The following PKIB variants were observed in gnomAD, a reference collection of about 807,000 sequenced individuals.
PKIB encodes cAMP-dependent protein kinase inhibitor beta.
In PKIB, 2 loss-of-function variants were observed where a neutral mutation model predicts 4.5. The ratio of observed to expected loss-of-function variants is 0.44; its 90% CI spans 0.18 to 1.39. PKIB has a LOEUF of 1.39. PKIB is among the 40% of genes most tolerant of loss of function. The pLI is 0.27. For synonymous variants in PKIB, 38 were observed against 36.0 expected, an observed-to-expected ratio of 1.06 and a Z score of -0.20; for missense variants, 94 against 92.6, an observed-to-expected ratio of 1.02 and a Z score of -0.06.
At chr6:122,524,865 A>G (rs1357224339) in intron 2 of PKIB, among the ~76,000 whole-genome samples, 2 of 150,850 alleles carry the variant, frequency 1.3e-5, no homozygotes, top group African/African-American at 4.9e-5. Context: ...TTTTTTTAAC[A>G]TAATCTGCTT....
intron 2 of PKIB, among the ~76,000 whole-genome samples, chr6:122,579,926 A>C (rs1773655721): frequency 6.6e-6 from 1 of 152,230 alleles, no homozygotes; most frequent in South Asian, 2.1e-4. Flanking sequence ...ATAAAAGAAG[A>C]CATCGTATAT....
chr6:122,648,293 T>A (rs1562284249), intron 2 of PKIB, among the ~76,000 whole-genome samples: 1 of 152,232 alleles, frequency 6.6e-6, no homozygotes, highest in Non-Finnish European at 1.5e-5. Flanking sequence ...CTAAGTGTAA[T>A]AATTAGTGAT....
chr6:122,630,463 C>T (rs936956233), intron 1 of PKIB, among the ~76,000 whole-genome samples: 1 of 151,962 alleles, frequency 6.6e-6, no homozygotes, highest in Admixed American at 6.6e-5. Flanking sequence ...CTATATGATT[C>T]CACTTATAAA....
At chr6:122,536,336 C>A (rs1378492778) in intron 2 of PKIB, among the ~76,000 whole-genome samples, 1 of 152,188 alleles carries the variant, frequency 6.6e-6, no homozygotes, top group Non-Finnish European at 1.5e-5. Flanking sequence ...AATATGTAGA[C>A]TGCTTCTCCT....
intron 2 of PKIB, among the ~76,000 whole-genome samples, chr6:122,538,768 G>T (rs1777489594): frequency 6.6e-6 from 1 of 151,996 alleles, no homozygotes; most frequent in Admixed American, 6.6e-5. Context: ...ATTACCTTGG[G>T]CAATATGGCC....
intron 2 of PKIB, among the ~76,000 whole-genome samples, chr6:122,578,578 C>A (rs1176077086): frequency 1.3e-5 from 2 of 152,128 alleles, no homozygotes; most frequent in Non-Finnish European, 2.9e-5. Flanking sequence ...TTTGTCTAAG[C>A]CATCTTTCCT....
chr6:122,692,881 A>G (rs918527080), intron 3 of PKIB, among the ~76,000 whole-genome samples: 1 of 152,242 alleles, frequency 6.6e-6, no homozygotes, highest in African/African-American at 2.4e-5. Context: ...AAGCCTTCTG[A>G]TTTATAAGTT....
upstream of PKIB, among the ~76,000 whole-genome samples, chr6:122,609,906 C>G (rs1279432928): frequency 6.6e-6 from 1 of 152,162 alleles, no homozygotes; most frequent in Admixed American, 6.5e-5. Context: ...GACCCAGATT[C>G]GGGGCGTAGA....
chr6:122,684,328 G>C (rs1001916368), intron 3 of PKIB, among the ~76,000 whole-genome samples: 3 of 152,060 alleles, frequency 2.0e-5, no homozygotes, highest in Non-Finnish European at 4.4e-5. Context: ...TAAGCACCTA[G>C]ATCTCATGTT....
chr6:122,579,398 A>G (rs768092919), intron 2 of PKIB, among the ~76,000 whole-genome samples: 2 of 152,004 alleles, frequency 1.3e-5, no homozygotes, highest in Non-Finnish European at 2.9e-5. Flanking sequence ...TGGTACATCA[A>G]ATTCTTAGGG....
Position 122,561,576 on chromosome 6 carries a change from T to A in PKIB, c.-247-24345T>A, listed in dbSNP as rs1773013226. Among the ~76,000 whole-genome samples the A allele has an allele frequency of 2.6e-5, 4 of 152,064 alleles. No homozygotes were observed. The South Asian group carries it at 8.3e-4, about 32-fold the overall frequency. ...TTAGGTCTATTAGTAATTTTTTTTT[T>A]TTATAAATTTGGGAGCTCCAGTGTA... On this transcript the variant is annotated intron_variant, in intron 2 of 6. Coordinates refer to the PKIB transcript ENST00000392491.
chr6:122,628,915 A>G (rs1340111079), intron 1 of PKIB, among the ~76,000 whole-genome samples: 2 of 152,196 alleles, frequency 1.3e-5, no homozygotes, highest in East Asian at 1.9e-4. Context: ...TACAGGAAAC[A>G]TTCCTGGGTA....
intron 1 of PKIB, among the ~76,000 whole-genome samples, chr6:122,616,693 G>A (rs1157142074): frequency 6.6e-6 from 1 of 151,022 alleles, no homozygotes; most frequent in Non-Finnish European, 1.5e-5. Context: ...AGCTTGAGAT[G>A]TTTTTAAGGG....
chr6:122,708,934 C>T (rs895674242), intron 3 of PKIB, among the ~76,000 whole-genome samples: 3 of 152,126 alleles, frequency 2.0e-5, no homozygotes, highest in African/African-American at 7.2e-5. Flanking sequence ...CGCCCAGCTG[C>T]GTTAATCTCT....
At chr6:122,598,547 G>A (rs1170658659) in intron 3 of PKIB, among the ~76,000 whole-genome samples, 1 of 152,132 alleles carries the variant, frequency 6.6e-6, no homozygotes, top group Non-Finnish European at 1.5e-5. Context: ...CAATTACAGG[G>A]CTCTTCAAAG....
intron 2 of PKIB, among the ~76,000 whole-genome samples, chr6:122,640,102 A>G (rs1228073376): frequency 1.3e-5 from 2 of 152,200 alleles, no homozygotes; most frequent in African/African-American, 4.8e-5. Context: ...AGAAGAGAAA[A>G]AAATAATGAG....
At chr6:122,717,587 A>G (rs139537970) in intron 3 of PKIB, 200 bp from the exon 4 acceptor site, 8 of 535,954 alleles carry the variant, frequency 1.5e-5, no homozygotes, top group African/African-American at 3.8e-5. Context: ...TCTGGCTCAC[A>G]CTGAGGGCTT....
intron 2 of PKIB, among the ~76,000 whole-genome samples, chr6:122,529,122 A>T (rs965898144): frequency 1.9e-4 from 29 of 152,234 alleles, no homozygotes; most frequent in African/African-American, 7.0e-4. Flanking sequence ...TGTATATCTT[A>T]CAGCTTCTCT....
At chr6:122,702,372 C>T (rs554518539) in intron 3 of PKIB, among the ~76,000 whole-genome samples, 1 of 134,980 alleles carries the variant, frequency 7.4e-6, no homozygotes, top group South Asian at 2.4e-4. Flanking sequence ...CTCTGTTGCC[C>T]AAGCTGGAGT....
Sources: gnomAD v4.1 joint callset for allele counts (sites outside exome capture counted in the v4.1 genomes callset) on GRCh38, gnomAD v4.1.1 for gene constraint, MANE v1.5 for transcripts, NCBI Gene and HGNC (gene_info 2026-07-23, HGNC 2026-07-21) for gene names.